The following ANKRD44 variants were observed in gnomAD, a reference collection of about 807,000 sequenced individuals.
ANKRD44 encodes serine/threonine-protein phosphatase 6 regulatory ankyrin repeat subunit B.
In ANKRD44, 35 loss-of-function variants were observed where a neutral mutation model predicts 116.0. That is an observed-to-expected ratio of 0.30 (90% CI 0.23 to 0.40). ANKRD44 has a LOEUF of 0.40. Among genes scored for constraint, ANKRD44 ranks in the 10% least tolerant of loss-of-function variants. ANKRD44 has a pLI of 1.00. For missense variants in ANKRD44, 1,014 were observed against 1,242.6 expected (o/e 0.82, Z 2.77); for synonymous variants, 435 against 461.8 (o/e 0.94, Z 0.74).
chr2:197,280,116 C>G (rs73988420), intron 1 of ANKRD44, among the ~76,000 whole-genome samples: 6,155 of 152,306 alleles, frequency 0.04, 397 homozygotes, highest in African/African-American at 0.14. Context: ...TCTGTCCCTA[C>G]TGCTGTCACA....
intron 27 of ANKRD44, among the ~76,000 whole-genome samples, chr2:196,991,798 C>T (rs1275659866): frequency 6.6e-6 from 1 of 151,116 alleles, no homozygotes; most frequent in South Asian, 2.1e-4. Flanking sequence ...TGCTATGTTT[C>T]CCAGGCTGTT....
chr2:196,980,772 T>C (rs1289366667), intron 21 of ANKRD44, among the ~76,000 whole-genome samples: 1 of 152,228 alleles, frequency 6.6e-6, no homozygotes. Flanking sequence ...AGTTTTTTAA[T>C]AGAAATGCAC....
In ANKRD44 at chr2:197,005,890, T is replaced by C. The variant is rs1373850821; in HGVS notation, c.2151A>G (p.Glu717=). The change falls in exon 21 of 28, where the codon GAA becomes GAG. Residue 717 remains glutamate, a synonymous_variant. Transcript: ENST00000282272. ...LHRGIMTGHE[E]CVQMLLEQEV... ...CTTGTTCCAGCAGCATTTGCACACA[T>C]TCCTCGTGTCCTGTCATAATCTGAT... is the stretch of plus-strand genomic sequence containing the variant. The C allele has an allele frequency of 6.2e-7, 1 of 1,614,216 alleles. No homozygotes were observed.
intron 1 of ANKRD44, among the ~76,000 whole-genome samples, chr2:197,194,141 A>T (rs2080891774): frequency 6.6e-6 from 1 of 152,210 alleles, no homozygotes; most frequent in African/African-American, 2.4e-5. Flanking sequence ...ACCACCTCTA[A>T]AGCAGAGGGG....
At chr2:197,139,289 C>T (rs112061047) in intron 3 of ANKRD44, among the ~76,000 whole-genome samples, 26 of 152,126 alleles carry the variant, frequency 1.7e-4, no homozygotes, top group African/African-American at 5.3e-4. Context: ...AAATGGATAA[C>T]GACGTTGTGG....
chr2:197,235,445 A>G (rs902004737), intron 1 of ANKRD44, among the ~76,000 whole-genome samples: 11 of 151,912 alleles, frequency 7.2e-5, no homozygotes, highest in African/African-American at 2.7e-4. Context: ...GCAAAACCCC[A>G]TCTCTACTAA....
At chr2:196,980,989 T>C (rs759001386) in intron 21 of ANKRD44, among the ~76,000 whole-genome samples, 4 of 152,006 alleles carry the variant, frequency 2.6e-5, no homozygotes, top group Non-Finnish European at 4.4e-5. Context: ...CCTCAGATTT[T>C]TACTTCTTCA....
In ANKRD44 at chr2:196,998,946, G is replaced by A. The variant is rs2076064302; in HGVS notation, c.2626C>T (p.Leu876=). 6.2e-7 allele frequency: 1 copy of A among 1,614,236 alleles called. No homozygotes were observed. The highest frequency in any genetic ancestry group is 8.5e-7 in the Non-Finnish European group (1 of 1,180,038). Residue 876 remains leucine, a synonymous_variant, in exon 24 of 28, where the codon CTG becomes TTG. Coordinates refer to ENST00000282272, the MANE Select transcript of ANKRD44 (RefSeq NM_001195144.2). ...TGCCCATTCTCAGCAGCCATCATCA[G>A]TGCTGTTTTCCCTGAATTATCTACT... ...NAVDNSGKTA[L]MMAAENGQAG...
chr2:197,260,481 G>A (rs941812626), intron 1 of ANKRD44, among the ~76,000 whole-genome samples: 2 of 151,536 alleles, frequency 1.3e-5, no homozygotes, highest in Non-Finnish European at 3.0e-5. Context: ...CCAGTCTATC[G>A]TTGTTGGACA....
chr2:197,150,912 GA>G (rs1036537565), intron 2 of ANKRD44, among the ~76,000 whole-genome samples: 1 of 151,936 alleles, frequency 6.6e-6, no homozygotes, highest in African/African-American at 2.4e-5. Context: ...AGTGGACTTG[GA>G]AAAAAACAAT....
In ANKRD44 at chr2:196,977,519, T is replaced by C. The variant is rs534694904; in HGVS notation, c.2369-10073A>G. ...ATTCACCAATAAAAACACAACGTGATTTAAAAATGGGCAAAGGATTTGAAC... is the reference window on the plus strand; with the variant it reads ...ATTCACCAATAAAAACACAACGTGACTTAAAAATGGGCAAAGGATTTGAAC... On this transcript the variant is annotated intron_variant, in intron 21 of 21. Transcript: ENST00000424317. Among the ~76,000 whole-genome samples the C allele has an allele frequency of 2.6e-5, 4 of 152,344 alleles. No individual in the cohort carries two copies. In the South Asian group the frequency reaches 8.3e-4, roughly 32 times the overall value.
At chr2:197,056,183 A>T (rs1263607531) in intron 16 of ANKRD44, among the ~76,000 whole-genome samples, 1 of 152,160 alleles carries the variant, frequency 6.6e-6, no homozygotes, top group Non-Finnish European at 1.5e-5. Flanking sequence ...TATATCTGGA[A>T]GTCTAAGTCC....
At chr2:197,197,334 A>C (rs1318569656) in intron 1 of ANKRD44, among the ~76,000 whole-genome samples, 2 of 152,180 alleles carry the variant, frequency 1.3e-5, no homozygotes, top group Non-Finnish European at 2.9e-5. Context: ...AAAAGAAGTC[A>C]TATCATATTT....
chr2:197,061,110 C>T (rs1335441301), intron 16 of ANKRD44, among the ~76,000 whole-genome samples: 3 of 152,168 alleles, frequency 2.0e-5, no homozygotes, highest in Admixed American at 2.0e-4. Flanking sequence ...TTACATTCTT[C>T]CACTAATGCT....
At chr2:197,202,472 G>A (rs2081114081) in intron 1 of ANKRD44, among the ~76,000 whole-genome samples, 1 of 152,078 alleles carries the variant, frequency 6.6e-6, no homozygotes, top group African/African-American at 2.4e-5. Context: ...AGAGCTAGAC[G>A]ACCAAGCTTG....
rs1436834498 is a variant in ANKRD44 at position 197,201,481 on chromosome 2, A to T, written c.28-14375T>A. ...AGGATCCTTTGGCCTCCTCTGGCCC[A>T]ACTGACATAACTGAGGTTGGTTCCT... On this transcript the variant is annotated intron_variant, in intron 1 of 27. Transcript: ENST00000282272. The surrounding 1 kb of genome is among the most constrained non-coding windows in gnomAD (Gnocchi z 4.0). 2.0e-5 allele frequency among the ~76,000 whole-genome samples: 3 copies of T among 152,166 alleles called. No homozygotes were observed. Among genetic ancestry groups the T allele is most frequent in the Non-Finnish European group, 2.9e-5 (2 of 68,012 alleles).
intron 16 of ANKRD44, among the ~76,000 whole-genome samples, chr2:197,071,710 G>T (rs188827062): frequency 6.6e-6 from 1 of 152,148 alleles, no homozygotes; most frequent in Admixed American, 6.5e-5. Context: ...GATCCTCTTG[G>T]TTGATTATGT....
At chr2:197,115,294 T>A (rs2078681261) in intron 8 of ANKRD44, among the ~76,000 whole-genome samples, 1 of 152,240 alleles carries the variant, frequency 6.6e-6, no homozygotes, top group Admixed American at 6.5e-5. Context: ...GAATGCTTGC[T>A]AAAAGAGCCT....
At chr2:197,308,577 C>T (rs1015544681) in intron 1 of ANKRD44, among the ~76,000 whole-genome samples, 1 of 152,018 alleles carries the variant, frequency 6.6e-6, no homozygotes, top group East Asian at 1.9e-4. Context: ...TCTTAAAACG[C>T]CTTAGGTTCT....
Sources: gnomAD v4.1 joint callset for allele counts (sites outside exome capture counted in the v4.1 genomes callset) on GRCh38, gnomAD v4.1.1 for gene constraint, Gnocchi (gnomAD v3.1) non-coding constraint, MANE v1.5 for transcripts, NCBI Gene and HGNC (gene_info 2026-07-23, HGNC 2026-07-21) for gene names.